Variants in DGKB observed in about 807,000 individuals in gnomAD.
The protein encoded by DGKB is 90 kDa diacylglycerol kinase.
DGKB carries 67 observed loss-of-function variants against 114.3 expected under a neutral mutation model. The ratio of observed to expected loss-of-function variants is 0.59; its 90% confidence interval spans 0.48 to 0.72. The LOEUF is 0.72. Among genes scored for constraint, DGKB ranks in the 30% least tolerant of loss-of-function variants. The pLI, the probability that DGKB is intolerant of heterozygous loss-of-function variation, is 0.00. For missense variants in DGKB, 907 were observed against 975.2 expected (o/e 0.93, Z 0.93); for synonymous variants, 398 against 323.1 (o/e 1.23, Z -2.49).
At chr7:14,574,860 C>G (rs570473736) in intron 19 of DGKB, among the ~76,000 whole-genome samples, 5 of 152,294 alleles carry the variant, frequency 3.3e-5, no homozygotes, top group African/African-American at 1.2e-4. Flanking sequence ...AGTAAAAGGT[C>G]CTACTTTTTG....
chr7:14,735,544 G>C (rs1831583673), intron 5 of DGKB, among the ~76,000 whole-genome samples: 1 of 152,116 alleles, frequency 6.6e-6, no homozygotes, highest in Admixed American at 6.5e-5. Context: ...TCTCTAAAAA[G>C]CTACCCATAA....
chr7:14,858,186 C>T (rs1189319947), intron 1 of DGKB, among the ~76,000 whole-genome samples: 2 of 152,132 alleles, frequency 1.3e-5, no homozygotes, highest in African/African-American at 4.8e-5. Flanking sequence ...AATTTTAGGG[C>T]TTCTCTTTTG....
At chr7:14,857,692 A>C (rs1586952676) in intron 1 of DGKB, among the ~76,000 whole-genome samples, 1 of 152,076 alleles carries the variant, frequency 6.6e-6, no homozygotes, top group South Asian at 2.1e-4. Context: ...TCATTTTTCC[A>C]TGTTTCTATT....
Position 14,146,804 on chromosome 7 carries a change from A to C in DGKB, c.*2327T>G, listed in dbSNP as rs1172145187. ...TGTAACCACTATTAGCACTAATTGT[A>C]GTTATACAGCTACACTGAAGTGAAG... is the stretch of plus-strand genomic sequence containing the variant. On this transcript the variant is annotated 3_prime_UTR_variant, in exon 26 of 26. Coordinates refer to ENST00000402815, the MANE Select transcript of DGKB (RefSeq NM_001350709.2). 6.6e-6 allele frequency: 1 copy of C among 152,156 alleles called. No individual in the cohort carries two copies. Among genetic ancestry groups the C allele is most frequent in the Non-Finnish European group, 1.5e-5 (1 of 68,004 alleles). 9.4% of individuals were successfully genotyped at this position (152,156 alleles called of 1,614,324 possible).
intron 21 of DGKB, among the ~76,000 whole-genome samples, chr7:14,369,317 T>C (rs1817229506): frequency 6.6e-6 from 1 of 152,314 alleles, no homozygotes; most frequent in Non-Finnish European, 1.5e-5. Flanking sequence ...ATCCAGTCTA[T>C]CATTGATGGG....
In DGKB at chr7:14,472,819, T is replaced by C. The variant is rs189344332; in HGVS notation, c.1835+5342A>G. ...TGTTATGTTTTAGCAAAGAGACTGG[T>C]GGCACTTTGTCCCTGCCCTAGAGAT... On this transcript the variant is annotated intron_variant, in intron 21 of 25. Transcript: ENST00000402815. Among the ~76,000 whole-genome samples, 8 of 152,260 alleles carry C rather than the reference T, an allele frequency of 5.3e-5. No individual in the cohort carries two copies. The East Asian group carries it at 1.5e-3, about 29-fold the overall frequency.
intron 20 of DGKB, among the ~76,000 whole-genome samples, chr7:14,498,335 A>G (rs1190015784): frequency 6.6e-6 from 1 of 151,876 alleles, no homozygotes; most frequent in Non-Finnish European, 1.5e-5. Flanking sequence ...TGCTAAGGAT[A>G]CATTAATACA....
chr7:14,371,718 C>T (rs1817689535), intron 21 of DGKB, among the ~76,000 whole-genome samples: 1 of 152,052 alleles, frequency 6.6e-6, no homozygotes, highest in Non-Finnish European at 1.5e-5. Context: ...GTTGCCATCA[C>T]CTTTGAGGAC....
chr7:14,450,241 C>T (rs1278772694), intron 21 of DGKB, among the ~76,000 whole-genome samples: 1 of 152,062 alleles, frequency 6.6e-6, no homozygotes, highest in Non-Finnish European at 1.5e-5. Context: ...CCAATTATGT[C>T]AACAACATGA....
intron 21 of DGKB, among the ~76,000 whole-genome samples, chr7:14,362,799 A>G (rs1815988030): frequency 6.6e-6 from 1 of 152,100 alleles, no homozygotes; most frequent in African/African-American, 2.4e-5. Flanking sequence ...TGTTTAATAC[A>G]GTGGTAGACT....
At chr7:14,542,523 G>T (rs1044447241) in intron 20 of DGKB, among the ~76,000 whole-genome samples, 1 of 152,096 alleles carries the variant, frequency 6.6e-6, no homozygotes, top group Non-Finnish European at 1.5e-5. Flanking sequence ...TGATCCTAGA[G>T]AAGAAGATTT....
At chr7:14,698,031 G>GA (rs931271659) in intron 8 of DGKB, 64 bp downstream of exon 8, 257 of 831,452 alleles carry the variant, frequency 3.1e-4, no homozygotes, top group Middle Eastern at 4.6e-4. Context: ...AAGAAAGAAA[G>GA]AAAGAAAAGA....
chr7:14,675,089 C>T (rs748010881), intron 12 of DGKB, among the ~76,000 whole-genome samples: 9 of 152,084 alleles, frequency 5.9e-5, no homozygotes, highest in Non-Finnish European at 8.8e-5. Context: ...TTCCTTAAAA[C>T]TGAGAAAACA....
chr7:14,186,869 G>A (rs564659051), intron 23 of DGKB, among the ~76,000 whole-genome samples: 3 of 152,228 alleles, frequency 2.0e-5, no homozygotes, highest in South Asian at 2.1e-4. Flanking sequence ...GACTTGGGGG[G>A]AAGAGTTGGA....
rs10583401 is a variant in DGKB, at chr7:14,488,648, T to TAAA, written c.1771-10426_1771-10424dup. ...CAACATGGTGAAGCCCCATTTCCAC[T>TAAA]AAAAAAAAAAAAAAAAGTATATATA... On this transcript the variant is annotated intron_variant, in intron 20 of 25. Coordinates refer to ENST00000402815, the MANE Select transcript of DGKB (RefSeq NM_001350709.2). Among the ~76,000 whole-genome samples, 27 of 121,282 alleles carry TAAA rather than the reference T, an allele frequency of 2.2e-4. No homozygotes were observed. In the East Asian group the frequency reaches 2.5e-3, roughly 11 times the overall value. The allele number at this position is 121,282 out of a possible 152,430, so 79.6% of individuals were successfully genotyped here. A position where few individuals can be genotyped will look rare whatever the true frequency, so the allele number is the denominator to read the frequency against.
chr7:14,402,569 G>A (rs1482278864), intron 21 of DGKB, among the ~76,000 whole-genome samples: 2 of 151,834 alleles, frequency 1.3e-5, no homozygotes, highest in Admixed American at 6.6e-5. Context: ...ATGACAATAT[G>A]AAATTTATGA....
intron 1 of DGKB, among the ~76,000 whole-genome samples, chr7:14,917,021 T>A (rs79221448): frequency 6.6e-6 from 1 of 152,046 alleles, no homozygotes; most frequent in Non-Finnish European, 1.5e-5. Flanking sequence ...TTAAACAGCA[T>A]TTTTAAATAA....
intron 21 of DGKB, among the ~76,000 whole-genome samples, chr7:14,407,892 A>G (rs1041869381): frequency 6.6e-6 from 1 of 152,048 alleles, no homozygotes; most frequent in Admixed American, 6.6e-5. Flanking sequence ...TTCAAAAAAA[A>G]CCATGATCCT....
intron 2 of DGKB, among the ~76,000 whole-genome samples, chr7:14,820,463 C>G (rs922132396): frequency 6.6e-6 from 1 of 152,152 alleles, no homozygotes; most frequent in African/African-American, 2.4e-5. Context: ...CCTCTTATTA[C>G]AGTGCATGCA....
Sources: allele counts gnomAD v4.1 joint callset (sites outside exome capture counted in the v4.1 genomes callset), GRCh38; gene constraint gnomAD v4.1.1; transcripts MANE v1.5; gene names NCBI Gene and HGNC (gene_info 2026-07-23, HGNC 2026-07-21).